Variants in FSTL4 observed in about 807,000 individuals in gnomAD.
The protein encoded by FSTL4 is follistatin-related protein 4.
FSTL4 carries 28 observed loss-of-function variants against 78.2 expected under a neutral mutation model. The observed-to-expected ratio is 0.36, with a 90% confidence interval of 0.27 to 0.49. FSTL4 has a LOEUF of 0.49. FSTL4 is among the 20% of genes least tolerant of loss of function. The probability of loss-of-function intolerance (pLI) is 0.98; values close to 1 mark genes in which losing one functional copy is unlikely to be tolerated. For missense variants in FSTL4, 922 were observed against 1,084.9 expected, an observed-to-expected ratio of 0.85 and a Z score of 2.11; for synonymous variants, 422 against 440.5, an observed-to-expected ratio of 0.96 and a Z score of 0.53.
chr5:133,700,626 C>T, the FSTL4 span, among the ~76,000 whole-genome samples: 1 of 152,228 alleles, frequency 6.6e-6, no homozygotes, highest in Non-Finnish European at 1.5e-5. Flanking sequence ...GAATGATACC[C>T]AAACCTACTG....
In FSTL4 at chr5:133,527,499, A is replaced by ACCCC. The variant is rs1554068700; in HGVS notation, c.160+39686_160+39687insGGGG. On this transcript the variant is annotated intron_variant, in intron 3 of 15. Coordinates refer to ENST00000265342, the MANE Select transcript of FSTL4 (RefSeq NM_015082.2). The stretch of plus-strand genomic sequence containing the variant: ...CACACACACACACACACACACACAC[A>ACCCC]CACCCATAAGTGCATTCACTGCATA... Among the ~76,000 whole-genome samples, 15 of 83,200 alleles carry ACCCC rather than the reference A, an allele frequency of 1.8e-4. 2 individuals are homozygous for ACCCC. The highest frequency in any genetic ancestry group is 4.4e-4 in the African/African-American group (14 of 31,646). 54.6% of individuals were successfully genotyped at this position (83,200 alleles called of 152,430 possible).
the FSTL4 span, among the ~76,000 whole-genome samples, chr5:133,798,481 T>A: frequency 9.2e-5 from 14 of 151,884 alleles, no homozygotes; most frequent in South Asian, 2.7e-3. Flanking sequence ...TGGTTTTATG[T>A]TAGCTAAGCT....
chr5:133,681,205 G>A, the FSTL4 span, among the ~76,000 whole-genome samples: 1 of 152,256 alleles, frequency 6.6e-6, no homozygotes, highest in Non-Finnish European at 1.5e-5. Context: ...GTTGTCCAGG[G>A]AGGGCAGACC....
intron 3 of FSTL4, among the ~76,000 whole-genome samples, chr5:133,494,802 T>A (rs184201417): frequency 3.2e-3 from 485 of 152,346 alleles, no homozygotes; most frequent in African/African-American, 0.011. Context: ...ACCCCGCTCC[T>A]GAGACTCTCA....
At chr5:133,727,593 AG>A in the FSTL4 span, among the ~76,000 whole-genome samples, 1 of 152,234 alleles carries the variant, frequency 6.6e-6, no homozygotes, top group African/African-American at 2.4e-5. Context: ...AGGTAGGACA[AG>A]GAGCCTCTTC....
intron 3 of FSTL4, among the ~76,000 whole-genome samples, chr5:133,433,396 T>C (rs1016391130): frequency 2.0e-5 from 3 of 152,242 alleles, no homozygotes; most frequent in African/African-American, 7.2e-5. Context: ...CCTTCAAGCC[T>C]GGAGATTTTC....
At chr5:133,500,399 T>G (rs929675030) in intron 3 of FSTL4, among the ~76,000 whole-genome samples, 6 of 152,164 alleles carry the variant, frequency 3.9e-5, no homozygotes, top group Non-Finnish European at 5.9e-5. Context: ...CAAAAGGTAA[T>G]GAGATCTAAG....
At chr5:133,241,329 G>A (rs1751867142) in intron 7 of FSTL4, among the ~76,000 whole-genome samples, 1 of 152,250 alleles carries the variant, frequency 6.6e-6, no homozygotes, top group Non-Finnish European at 1.5e-5. Context: ...TCAGAAGTGA[G>A]GGTGTCTTCT....
At chr5:133,625,310 A>G in the FSTL4 span, among the ~76,000 whole-genome samples, 12 of 151,840 alleles carry the variant, frequency 7.9e-5, no homozygotes, top group Admixed American at 6.6e-4. Flanking sequence ...TTATAGGACT[A>G]TTTAAATTAC....
chr5:133,679,192 G>A, the FSTL4 span, among the ~76,000 whole-genome samples: 19 of 152,194 alleles, frequency 1.2e-4, no homozygotes, highest in African/African-American at 4.3e-4. Context: ...TAGAGCCCAA[G>A]GTTTTAATCA....
chr5:133,795,782 C>T, the FSTL4 span, among the ~76,000 whole-genome samples: 72,423 of 152,124 alleles, frequency 0.48, 18,648 homozygotes, highest in Middle Eastern at 0.67. Flanking sequence ...TGGTTTTGGG[C>T]AACATGGCCT....
chr5:133,646,017 C>G, the FSTL4 span, among the ~76,000 whole-genome samples: 1 of 152,142 alleles, frequency 6.6e-6, no homozygotes, highest in Non-Finnish European at 1.5e-5. Context: ...ATACCAAGTA[C>G]TGGGGATCCA....
At chr5:133,394,383 G>A (rs960968945) in intron 4 of FSTL4, among the ~76,000 whole-genome samples, 8 of 152,236 alleles carry the variant, frequency 5.3e-5, no homozygotes, top group South Asian at 2.1e-4. Context: ...CTGGGGCTGC[G>A]TGTGACGCTC....
At chr5:133,369,052 C>T (rs915346218) in intron 4 of FSTL4, among the ~76,000 whole-genome samples, 9 of 152,128 alleles carry the variant, frequency 5.9e-5, no homozygotes, top group African/African-American at 9.7e-5. Flanking sequence ...TCCCAATAGA[C>T]GAAGAAGCCT....
At chr5:133,746,893 A>T in the FSTL4 span, among the ~76,000 whole-genome samples, 1 of 152,212 alleles carries the variant, frequency 6.6e-6, no homozygotes, top group African/African-American at 2.4e-5. Flanking sequence ...GGCAGATGAG[A>T]GAATACTCAT....
chr5:133,761,624 A>G, the FSTL4 span, among the ~76,000 whole-genome samples: 2 of 152,174 alleles, frequency 1.3e-5, no homozygotes, highest in African/African-American at 4.8e-5. Flanking sequence ...TTCTCTTCCA[A>G]GATTGACACA....
intron 4 of FSTL4, among the ~76,000 whole-genome samples, chr5:133,391,603 C>G (rs950004647): frequency 2.0e-5 from 3 of 152,346 alleles, no homozygotes; most frequent in African/African-American, 7.2e-5. Context: ...TCAACCCCAT[C>G]AGCCCTCCGA....
At chr5:133,448,097 G>A (rs1757303592) in intron 3 of FSTL4, among the ~76,000 whole-genome samples, 1 of 152,224 alleles carries the variant, frequency 6.6e-6, no homozygotes, top group Non-Finnish European at 1.5e-5. Context: ...TTGAGATGCT[G>A]AGAACACACT....
At chr5:133,671,346 A>G in the FSTL4 span, among the ~76,000 whole-genome samples, 2 of 152,234 alleles carry the variant, frequency 1.3e-5, no homozygotes, top group African/African-American at 2.4e-5. Context: ...ACAGCACTAC[A>G]TAACAGATAC....
Sources: allele counts gnomAD v4.1 joint callset (sites outside exome capture counted in the v4.1 genomes callset), GRCh38; gene constraint gnomAD v4.1.1; transcripts MANE v1.5; gene names NCBI Gene and HGNC (gene_info 2026-07-23, HGNC 2026-07-21).